The following KIRREL3 variants were observed in gnomAD, a reference collection of about 807,000 sequenced individuals.
KIRREL3 encodes the protein kirre like nephrin family adhesion molecule 3.
In KIRREL3, 36 loss-of-function variants were observed where a neutral mutation model predicts 89.7. The ratio of observed to expected loss-of-function variants is 0.40; its 90% CI spans 0.31 to 0.53. KIRREL3 has a LOEUF of 0.53. Among genes scored for constraint, KIRREL3 ranks in the 20% least tolerant of loss-of-function variants. The probability of loss-of-function intolerance (pLI) is 0.49; values close to 1 mark genes in which losing one functional copy is unlikely to be tolerated. For synonymous variants in KIRREL3, 445 were observed against 441.4 expected, an observed-to-expected ratio of 1.01 and a Z score of -0.10; for missense variants, 864 against 1,056.6, an observed-to-expected ratio of 0.82 and a Z score of 2.53.
intron 1 of KIRREL3, among the ~76,000 whole-genome samples, chr11:126,700,743 T>C (rs531521316): frequency 6.6e-4 from 101 of 152,252 alleles, no homozygotes; most frequent in South Asian, 1.7e-3. Context: ...GTGAAACCTC[T>C]CCGCCTGTCA....
At chr11:126,738,996 C>A (rs1315146631) in intron 1 of KIRREL3, among the ~76,000 whole-genome samples, 1 of 152,210 alleles carries the variant, frequency 6.6e-6, no homozygotes, top group East Asian at 1.9e-4. Context: ...TATATATTAT[C>A]TAATTCTCAT....
In KIRREL3 at chr11:126,486,368, G is replaced by T. The variant is rs1276259468; in HGVS notation, c.434-12902C>A. ...GGAAGGCCAGTGTGTGGTGCTGGGT[G>T]GCTTACACTCACCCTCCCAGTCCTG... On this transcript the variant is annotated intron_variant, in intron 4 of 16. Transcript: ENST00000525144. This position sits in a 1 kb window ranked among gnomAD's most constrained non-coding sequence, Gnocchi z 6.2. 6.6e-6 allele frequency among the ~76,000 whole-genome samples: 1 copy of T among 152,160 alleles called. No homozygotes were observed. The highest frequency in any genetic ancestry group is 2.4e-5 in the African/African-American group (1 of 41,432).
In KIRREL3 at chr11:126,768,170, AATCCATCC is replaced by A. The variant is rs67640196; in HGVS notation, c.56-205266_56-205259del. The stretch of plus-strand genomic sequence containing the variant: ...CATCCATCCATCCATCCATCCATCC[AATCCATCC>A]ATCCATCCATCCATCCATCCATCCA... On this transcript the variant is annotated intron_variant, in intron 1 of 16. Coordinates refer to ENST00000525144, the MANE Select transcript of KIRREL3 (RefSeq NM_032531.4). The surrounding 1 kb of genome is among the most constrained non-coding windows in gnomAD (Gnocchi z 4.5). 0.02 allele frequency among the ~76,000 whole-genome samples: 1,608 copies of A among 79,808 alleles called. 25 individuals are homozygous for A. The highest frequency in any genetic ancestry group is 0.033 in the African/African-American group (833 of 25,280). 52.4% of individuals were successfully genotyped at this position (79,808 alleles called of 152,430 possible).
Position 126,486,394 on chromosome 11 carries a change from C to A in KIRREL3, c.434-12928G>T, listed in dbSNP as rs1047056732. ...GCTTACACTCACCCTCCCAGTCCTG[C>A]GGAGCGAGAGACTTTCTCCTTTCTC... On this transcript the variant is annotated intron_variant, in intron 4 of 16. Transcript: ENST00000525144. This position sits in a 1 kb window ranked among gnomAD's most constrained non-coding sequence, Gnocchi z 6.2. 1.3e-5 allele frequency among the ~76,000 whole-genome samples: 2 copies of A among 152,170 alleles called. No homozygotes were observed. Among genetic ancestry groups the A allele is most frequent in the Non-Finnish European group, 2.9e-5 (2 of 68,030 alleles).
chr11:126,695,904 T>G (rs1947073040), intron 1 of KIRREL3, among the ~76,000 whole-genome samples: 1 of 152,116 alleles, frequency 6.6e-6, no homozygotes, highest in South Asian at 2.1e-4. Context: ...TAGCTCTAAT[T>G]TACGGCAACC....
In KIRREL3 at chr11:126,947,839, T is replaced by G. The variant is rs1032107939; in HGVS notation, c.55+52616A>C. Among the ~76,000 whole-genome samples the G allele has an allele frequency of 2.6e-5, 4 of 152,196 alleles. No individual in the cohort carries two copies. The South Asian group carries it at 6.2e-4, about 24-fold the overall frequency. On this transcript the variant is annotated intron_variant, in intron 1 of 16. Transcript: ENST00000525144. ...GCTGGCTGTTCAGACTAATCAGACA[T>G]TGGTATAATCTTTGACCTCAGTCTA...
chr11:126,882,728 C>G (rs966930831), intron 1 of KIRREL3, among the ~76,000 whole-genome samples: 2 of 152,228 alleles, frequency 1.3e-5, no homozygotes, highest in East Asian at 1.9e-4. Flanking sequence ...TTTAATCCCC[C>G]TTTTGTGCCT....
chr11:126,425,800 A>G (rs1303578245), intron 15 of KIRREL3, 76 bp from the exon 16 acceptor site: 15 of 1,216,518 alleles, frequency 1.2e-5, no homozygotes, highest in Non-Finnish European at 1.8e-5. Flanking sequence ...AGATGAGATC[A>G]GAAACTCAAA....
chr11:126,532,287 G>A (rs1438893711), intron 2 of KIRREL3, among the ~76,000 whole-genome samples: 1 of 152,182 alleles, frequency 6.6e-6, no homozygotes, highest in African/African-American at 2.4e-5. Flanking sequence ...GTTGAATCAA[G>A]GGTCTCAAGC....
chr11:126,794,642 C>T (rs576149802), intron 1 of KIRREL3, among the ~76,000 whole-genome samples: 1 of 152,268 alleles, frequency 6.6e-6, no homozygotes, highest in South Asian at 2.1e-4. Context: ...CAGGAACATC[C>T]CTGGAATGAA....
chr11:126,512,231 A>T (rs1591656819), intron 4 of KIRREL3, among the ~76,000 whole-genome samples: 1 of 152,332 alleles, frequency 6.6e-6, no homozygotes, highest in East Asian at 1.9e-4. Context: ...ACAGTGACTG[A>T]TCCCCTGACC....
At chr11:126,672,480 A>T (rs79606729) in intron 1 of KIRREL3, among the ~76,000 whole-genome samples, 2 of 152,220 alleles carry the variant, frequency 1.3e-5, no homozygotes, top group East Asian at 3.8e-4. Context: ...GTCTGAAAAA[A>T]CATATTGAAT....
rs1018062290 is a variant in KIRREL3, at chr11:126,544,330, C to T, written c.134-17643G>A. ...TCCTTGCTGCTTATTGGGTAATTTA[C>T]TAAGGCTGGAAGAACGGGGCAGGAG... is the stretch of plus-strand genomic sequence containing the variant. On this transcript the variant is annotated intron_variant, in intron 2 of 16. Coordinates refer to ENST00000525144, the MANE Select transcript of KIRREL3 (RefSeq NM_032531.4). This position sits in a 1 kb window ranked among gnomAD's most constrained non-coding sequence, Gnocchi z 5.6. The T allele has an allele frequency of 1.3e-5, 2 of 152,210 alleles. No individual in the cohort carries two copies. The highest frequency in any genetic ancestry group is 2.9e-5 in the Non-Finnish European group (2 of 68,052). 9.4% of individuals were successfully genotyped at this position (152,210 alleles called of 1,614,324 possible). A position where few individuals can be genotyped will look rare whatever the true frequency, so the allele number is the denominator to read the frequency against.
chr11:126,587,128 G>A lies in KIRREL3; in HGVS notation c.56-24216C>T, dbSNP rs146405096. Among the ~76,000 whole-genome samples the A allele has an allele frequency of 7.0e-4, 106 of 152,216 alleles. No individual in the cohort carries two copies. The highest frequency in any genetic ancestry group is 2.5e-3 in the African/African-American group (102 of 41,530). On this transcript the variant is annotated intron_variant, in intron 1 of 16. Coordinates refer to ENST00000525144, the MANE Select transcript of KIRREL3 (RefSeq NM_032531.4). This position sits in a 1 kb window ranked among gnomAD's most constrained non-coding sequence, Gnocchi z 5.2. Reference sequence around the variant, plus strand: ...CTCCAGTGGAAGAGTCCAGAGCACCGGGATGATGTGTAGGGAGAGCCACTC... The same window carrying A: ...CTCCAGTGGAAGAGTCCAGAGCACCAGGATGATGTGTAGGGAGAGCCACTC...
chr11:126,456,039 G>GTTTTTTTTT (rs745805898), intron 7 of KIRREL3, among the ~76,000 whole-genome samples: 995 of 68,274 alleles, frequency 0.015, 95 homozygotes, highest in African/African-American at 0.05. Flanking sequence ...TTTTGTTTTC[G>GTTTTTTTTT]TTTTTTTTTT....
At chr11:126,444,270 G>A (rs1361058750) in intron 10 of KIRREL3, among the ~76,000 whole-genome samples, 1 of 152,220 alleles carries the variant, frequency 6.6e-6, no homozygotes, top group African/African-American at 2.4e-5. Flanking sequence ...GACGGTGACA[G>A]GGCTCCCTGG....
chr11:126,929,961 C>CCA lies in KIRREL3; in HGVS notation c.55+70493_55+70494insTG, dbSNP rs1491020630. Among the ~76,000 whole-genome samples the CCA allele has an allele frequency of 8.1e-5, 12 of 147,884 alleles. No individual in the cohort carries two copies. The East Asian group carries it at 1.8e-3, about 22-fold the overall frequency. On this transcript the variant is annotated intron_variant, in intron 1 of 16. Transcript: ENST00000525144. The stretch of plus-strand genomic sequence containing the variant: ...TGTGGGGGAGCCACCCCCCCCCCCC[C>CCA]ACCTCACCGATTCCCAAGTACACTT...
intron 1 of KIRREL3, among the ~76,000 whole-genome samples, chr11:126,959,904 G>A (rs1949035261): frequency 6.6e-6 from 1 of 152,094 alleles, no homozygotes; most frequent in South Asian, 2.1e-4. Context: ...TGTCACCATT[G>A]CTCGTACTCA....
At chr11:126,456,029 TTTTGTTTTCG>T (rs1397223095) in intron 7 of KIRREL3, among the ~76,000 whole-genome samples, 4 of 129,528 alleles carry the variant, frequency 3.1e-5, no homozygotes, top group African/African-American at 1.3e-4. Context: ...TCTGGTTTTT[TTTTGTTTTCG>T]TTTTTTTTTT....
Sources: gnomAD v4.1 joint callset for allele counts (sites outside exome capture counted in the v4.1 genomes callset) on GRCh38, gnomAD v4.1.1 for gene constraint, Gnocchi (gnomAD v3.1) non-coding constraint, MANE v1.5 for transcripts, NCBI Gene and HGNC (gene_info 2026-07-23, HGNC 2026-07-21) for gene names.